Variants in LAMA2 observed in about 807,000 individuals in gnomAD.
LAMA2 encodes the protein laminin subunit alpha-2.
A neutral mutation model predicts 364.8 loss-of-function variants in LAMA2; 269 were observed. That is an observed-to-expected ratio of 0.74 (90% confidence interval 0.67 to 0.82). The LOEUF (loss-of-function observed/expected upper bound fraction) is 0.82. LAMA2 is among the 40% of genes least tolerant of loss of function. The pLI is 0.00. For synonymous variants in LAMA2, 1,379 were observed against 1,370.6 expected (o/e 1.01, Z -0.14); for missense variants, 3,807 against 3,873.2 (o/e 0.98, Z 0.45).
At chr6:129,090,589 C>T (rs1014299627) in intron 3 of LAMA2, among the ~76,000 whole-genome samples, 3 of 152,090 alleles carry the variant, frequency 2.0e-5, no homozygotes, top group South Asian at 2.1e-4. Flanking sequence ...GAAGAAACCA[C>T]GTTGTGTGTC....
At chr6:129,359,486 T>G (rs372165543) in intron 32 of LAMA2, among the ~76,000 whole-genome samples, 1 of 151,804 alleles carries the variant, frequency 6.6e-6, no homozygotes, top group East Asian at 1.9e-4. Flanking sequence ...GATATTTATT[T>G]TAAAATAGAA....
At chr6:129,225,965 G>A (rs1784238253) in intron 12 of LAMA2, among the ~76,000 whole-genome samples, 2 of 152,156 alleles carry the variant, frequency 1.3e-5, no homozygotes, top group South Asian at 4.1e-4. Context: ...TTGTGTGGGA[G>A]TCTAAGTCTC....
intron 1 of LAMA2, among the ~76,000 whole-genome samples, chr6:129,025,006 GA>G (rs1221441969): frequency 6.6e-6 from 1 of 152,110 alleles, no homozygotes; most frequent in Non-Finnish European, 1.5e-5. Context: ...TTTTACCTCA[GA>G]AAATTTAAAA....
intron 12 of LAMA2, among the ~76,000 whole-genome samples, chr6:129,223,698 C>A (rs1583286589): frequency 6.6e-6 from 1 of 152,152 alleles, no homozygotes; most frequent in Admixed American, 6.5e-5. Flanking sequence ...TTCCATTGAT[C>A]TACATCTCTC....
chr6:129,320,476 T>G, intron 27 of LAMA2, 62 bp from the exon 28 acceptor site: 1 of 945,368 alleles, frequency 1.1e-6, no homozygotes, highest in Non-Finnish European at 1.8e-6. Context: ...TAGGATTGAT[T>G]GTTTACTAGG....
At chr6:129,159,945 A>C (rs1779352682) in intron 8 of LAMA2, among the ~76,000 whole-genome samples, 1 of 152,218 alleles carries the variant, frequency 6.6e-6, no homozygotes, top group South Asian at 2.1e-4. Flanking sequence ...GCATTTGTGA[A>C]TTAATCTCCA....
rs112619785 is a variant in LAMA2, at chr6:129,512,134, A to G, written c.8858-229A>G. Among the ~76,000 whole-genome samples the G allele has an allele frequency of 8.3e-3, 1,266 of 152,286 alleles. 11 individuals are homozygous for G. Among genetic ancestry groups the G allele is most frequent in the Non-Finnish European group, 0.014 (948 of 68,000 alleles). On this transcript the variant is annotated intron_variant, in intron 62 of 64. Transcript: ENST00000421865. ...GACAATGCCCCTGATCTCATAGCAC[A>G]TACATTCTAAAAGGGAAGGTAGCCC...
At chr6:129,158,775 C>T (rs1583157802) in intron 8 of LAMA2, 1 of 1,614,182 alleles carries the variant, frequency 6.2e-7, no homozygotes, top group East Asian at 2.2e-5. Flanking sequence ...CGTAGCTGGG[C>T]TTTTGGAGAA....
At chr6:129,181,791 TGAA>T (rs1780945091) in intron 10 of LAMA2, among the ~76,000 whole-genome samples, 1 of 151,670 alleles carries the variant, frequency 6.6e-6, no homozygotes, top group Non-Finnish European at 1.5e-5. Context: ...AAAAAAATAA[TGAA>T]GGAGAGAAGA....
At chr6:128,902,812 C>T (rs1346022439) in intron 1 of LAMA2, among the ~76,000 whole-genome samples, 4 of 152,126 alleles carry the variant, frequency 2.6e-5, no homozygotes, top group Non-Finnish European at 4.4e-5. Context: ...ATGTGAGCTA[C>T]CCAACACCCA....
At chr6:129,010,651 C>T (rs575857674) in intron 1 of LAMA2, among the ~76,000 whole-genome samples, 11 of 152,330 alleles carry the variant, frequency 7.2e-5, no homozygotes, top group Middle Eastern at 3.4e-3. Flanking sequence ...GGGAGAAGCA[C>T]TGAAGAATTA....
chr6:128,921,697 G>GT (rs547882651), intron 1 of LAMA2, among the ~76,000 whole-genome samples: 1,568 of 117,968 alleles, frequency 0.013, 29 homozygotes, highest in East Asian at 0.094. Flanking sequence ...ATGAATGTCT[G>GT]TTTTTTTTTT....
intron 3 of LAMA2, among the ~76,000 whole-genome samples, chr6:129,064,746 A>C (rs995698858): frequency 3.9e-5 from 6 of 152,276 alleles, no homozygotes; most frequent in African/African-American, 1.4e-4. Flanking sequence ...AGATCAATGA[A>C]GAGTAAGGAG....
At chr6:129,516,142 T>A in intron 64 of LAMA2, 48 bp from the exon 65 acceptor site, 1 of 1,598,670 alleles carries the variant, frequency 6.3e-7, no homozygotes, top group Non-Finnish European at 8.6e-7. Flanking sequence ...TCTTAATATT[T>A]GGTGCAGGAC....
At chr6:129,496,366 A>T (rs1785194842) in intron 58 of LAMA2, among the ~76,000 whole-genome samples, 1 of 152,058 alleles carries the variant, frequency 6.6e-6, no homozygotes, top group Non-Finnish European at 1.5e-5. Context: ...GGATTTCTCC[A>T]TGTTGGTCAG....
At chr6:129,472,787 G>A (rs1371576675) in intron 51 of LAMA2, among the ~76,000 whole-genome samples, 1 of 151,824 alleles carries the variant, frequency 6.6e-6, no homozygotes, top group African/African-American at 2.4e-5. Context: ...TAGTTCCTGT[G>A]GATAGTAAAA....
At chr6:129,513,852 T>A (rs1022026965) in intron 63 of LAMA2, among the ~76,000 whole-genome samples, 2 of 152,226 alleles carry the variant, frequency 1.3e-5, no homozygotes, top group Admixed American at 6.5e-5. Context: ...ATGTAATTTA[T>A]GTAACTCTCA....
At chr6:129,359,952 G>A (rs1169309834) in intron 32 of LAMA2, among the ~76,000 whole-genome samples, 2 of 152,090 alleles carry the variant, frequency 1.3e-5, no homozygotes, top group East Asian at 3.9e-4. Context: ...CATGTGCCCA[G>A]CCATAACAAT....
chr6:129,196,251 G>A (rs985644857), intron 12 of LAMA2, among the ~76,000 whole-genome samples: 1 of 152,094 alleles, frequency 6.6e-6, no homozygotes, highest in East Asian at 1.9e-4. Flanking sequence ...GTAATCTCTG[G>A]TAAACTCTTT....
Sources: gnomAD v4.1 joint callset for allele counts (sites outside exome capture counted in the v4.1 genomes callset) on GRCh38, gnomAD v4.1.1 for gene constraint, MANE v1.5 for transcripts, NCBI Gene and HGNC (gene_info 2026-07-23, HGNC 2026-07-21) for gene names.